Variants in ZSWIM2 observed in about 807,000 individuals in gnomAD.
ZSWIM2 encodes the protein zinc finger SWIM-type containing 2, also known as E3 ubiquitin-protein ligase ZSWIM2.
A neutral mutation model predicts 48.4 loss-of-function variants in ZSWIM2; 38 were observed. That is an observed-to-expected ratio of 0.79 (90% CI 0.61 to 1.03). The LOEUF (loss-of-function observed/expected upper bound fraction) is 1.03, where lower values mean the gene tolerates loss of function less well. ZSWIM2 is among the 50% of genes least tolerant of loss of function. The pLI is 0.00. For synonymous variants in ZSWIM2, 240 were observed against 251.3 expected, an observed-to-expected ratio of 0.96 and a Z score of 0.42; for missense variants, 776 against 730.2, an observed-to-expected ratio of 1.06 and a Z score of -0.72.
chr2:186,834,420 C>T (rs1691758140), intron 5 of ZSWIM2, among the ~76,000 whole-genome samples: 2 of 152,216 alleles, frequency 1.3e-5, no homozygotes, highest in Middle Eastern at 6.8e-3. Flanking sequence ...CCGGGACATA[C>T]AGCAGGAGGT....
At chr2:186,831,773 G>C (rs1349647771) in intron 7 of ZSWIM2, among the ~76,000 whole-genome samples, 2 of 151,868 alleles carry the variant, frequency 1.3e-5, no homozygotes, top group Admixed American at 1.3e-4. Context: ...ACTATCGCAA[G>C]GACAAAAAAC....
chr2:186,847,718 C>T lies in ZSWIM2; in HGVS notation c.242+1G>A. ...AGATCTTCATTTGAAAAGTCACTTA[C>T]CAGCAGATATGCTTACAAAGTTCCC... On this transcript the variant is annotated splice_donor_variant, in intron 2 of 8. Transcript: ENST00000295131. LOFTEE classifies it high-confidence loss of function. The T allele has an allele frequency of 3.8e-6, 6 of 1,598,956 alleles. No individual in the cohort carries two copies. The highest frequency in any genetic ancestry group is 1.7e-4 in the Middle Eastern group (1 of 6,002).
intron 5 of ZSWIM2, among the ~76,000 whole-genome samples, chr2:186,835,168 T>C (rs1355074405): frequency 6.6e-6 from 1 of 152,078 alleles, no homozygotes; most frequent in Non-Finnish European, 1.5e-5. Flanking sequence ...AATTATATTA[T>C]TTTTTCCCCA....
At chr2:186,833,904 A>G (rs1691746486) in intron 6 of ZSWIM2, 42 bp downstream of exon 6, 2 of 1,487,218 alleles carry the variant, frequency 1.3e-6, no homozygotes, top group African/African-American at 1.4e-5. Context: ...CTACAACAGG[A>G]CAAATAGAAA....
rs1691623494 is a variant in ZSWIM2 at position 186,827,854 on chromosome 2, T to G, written c.*130A>C. ...ATTTCCTTTAAGTGTAGTGAGCTGT[T>G]TATAGGTAAGTAGGCAAATTCCAAC... On this transcript the variant is annotated 3_prime_UTR_variant, in exon 9 of 9. Coordinates refer to ENST00000295131, the MANE Select transcript of ZSWIM2 (RefSeq NM_182521.3). The G allele has an allele frequency of 7.1e-6, 5 of 705,374 alleles. No individual in the cohort carries two copies. Among genetic ancestry groups the G allele is most frequent in the African/African-American group, 1.8e-5 (1 of 55,708 alleles). 43.7% of individuals were successfully genotyped at this position (705,374 alleles called of 1,614,324 possible). A position where few individuals can be genotyped will look rare whatever the true frequency, so the allele number is the denominator to read the frequency against.
chr2:186,833,846 C>G (rs1286188732), intron 6 of ZSWIM2, 100 bp downstream of exon 6: 3 of 943,224 alleles, frequency 3.2e-6, no homozygotes, highest in East Asian at 5.0e-5. Context: ...CCAATCAGCT[C>G]TGTTCCACAG....
Position 186,844,721 on chromosome 2 carries a change from A to C in ZSWIM2, c.279T>G (p.His93Gln). 6.4e-7 allele frequency: 1 copy of C among 1,558,328 alleles called. No homozygotes were observed. Among genetic ancestry groups the C allele is most frequent in the Non-Finnish European group, 8.6e-7 (1 of 1,158,758 alleles). ...LLKKFKLPRNHESALQLGLGE... is the reference protein window; with the variant it reads ...LLKKFKLPRNQESALQLGLGE... ...AACCCAAACCCCAAAACTTACATTC[A>C]TGGTTCCTTGGAAGCTTGAATTTTT... The change falls in exon 3 of 9, where the codon CAT becomes CAG. Residue 93 changes from histidine to glutamine, a missense_variant. His to Gln is a conservative substitution (Grantham distance 24). Coordinates refer to ENST00000295131, the MANE Select transcript of ZSWIM2 (RefSeq NM_182521.3).
In ZSWIM2 at chr2:186,847,714, C is replaced by G; in HGVS notation, c.242+5G>C. The G allele has an allele frequency of 1.3e-6, 2 of 1,595,784 alleles. No individual in the cohort carries two copies. Among genetic ancestry groups the G allele is most frequent in the Non-Finnish European group, 1.7e-6 (2 of 1,169,922 alleles). On this transcript the variant is annotated splice_donor_5th_base_variant and intron_variant, in intron 2 of 8. Transcript: ENST00000295131. ...TGGAAGATCTTCATTTGAAAAGTCA[C>G]TTACCAGCAGATATGCTTACAAAGT...
rs1559110904 is a variant in ZSWIM2 at position 186,828,718 on chromosome 2, ATATAACTTGTCCATC to A, written c.1153_1167del (p.Asp385_Ile389del). 2 of 1,611,266 alleles carry A rather than the reference ATATAACTTGTCCATC, an allele frequency of 1.2e-6. No individual in the cohort carries two copies. The highest frequency in any genetic ancestry group is 3.4e-5 in the Admixed American group (2 of 59,536). On this transcript the variant is annotated inframe_deletion, in exon 9 of 9. Coordinates refer to ENST00000295131, the MANE Select transcript of ZSWIM2 (RefSeq NM_182521.3). ...GAATTTTTCCAAGTTAAAGGGTTAT[ATATAACTTGTCCATC>A]AATAGGGCATGAATTGCACTTGTGG...
rs757954654 is a variant in ZSWIM2, at chr2:186,828,580, T to C, written c.1306A>G (p.Asn436Asp). ...IPGTGLVLKQNRLGILPSIPQ... is the reference protein window; with the variant it reads ...IPGTGLVLKQDRLGILPSIPQ... ...ATGCTAGGTAAAATTCCAAGTCTAT[T>C]TTGTTTTAAGACTAATCCAGTACCA... Residue 436 changes from asparagine (N) to aspartate (D), a missense_variant, in exon 9 of 9, where the codon AAT (asparagine) becomes GAT (aspartate). Coordinates refer to ENST00000295131, the MANE Select transcript of ZSWIM2 (RefSeq NM_182521.3). 3.1e-6 allele frequency: 5 copies of C among 1,613,016 alleles called. No individual in the cohort carries two copies. The South Asian group carries it at 4.4e-5, about 14-fold the overall frequency.
chr2:186,827,876 C>A lies in ZSWIM2; in HGVS notation c.*108G>T. On this transcript the variant is annotated 3_prime_UTR_variant, in exon 9 of 9. Transcript: ENST00000295131. ...TGTTTATAGGTAAGTAGGCAAATTCCAACAGAGAATTTTATATACATTTGT... is the reference window on the plus strand; with the variant it reads ...TGTTTATAGGTAAGTAGGCAAATTCAAACAGAGAATTTTATATACATTTGT... The A allele has an allele frequency of 1.0e-6, 1 of 986,064 alleles. No individual in the cohort carries two copies. The highest frequency in any genetic ancestry group is 1.4e-6 in the Non-Finnish European group (1 of 703,446). The allele number at this position is 986,064 out of a possible 1,614,324, so 61.1% of individuals were successfully genotyped here. A position where few individuals can be genotyped will look rare whatever the true frequency, so the allele number is the denominator to read the frequency against.
At chr2:186,847,670 A>ACAC (rs746619838) in intron 2 of ZSWIM2, 49 bp downstream of exon 2, 32 of 1,372,430 alleles carry the variant, frequency 2.3e-5, no homozygotes, top group Non-Finnish European at 3.1e-5. Flanking sequence ...AATATTTAAC[A>ACAC]CACCAAGATG....
At chr2:186,848,541 A>G (rs1692045172) in intron 1 of ZSWIM2, among the ~76,000 whole-genome samples, 1 of 152,228 alleles carries the variant, frequency 6.6e-6, no homozygotes, top group Non-Finnish European at 1.5e-5. Context: ...GTGAGCAAAG[A>G]GTAAAGGGAA....
At chr2:186,832,993 C>T (rs1691730094) in intron 7 of ZSWIM2, 127 bp downstream of exon 7, 1 of 409,996 alleles carries the variant, frequency 2.4e-6, no homozygotes, top group Non-Finnish European at 4.3e-6. Context: ...GGTACAATGC[C>T]ACCTAGTATC....
chr2:186,842,451 G>T (rs1424630446), intron 3 of ZSWIM2, among the ~76,000 whole-genome samples: 1 of 151,086 alleles, frequency 6.6e-6, no homozygotes, highest in Non-Finnish European at 1.5e-5. Context: ...AATTATAAAG[G>T]ATTAATTTTA....
intron 2 of ZSWIM2, among the ~76,000 whole-genome samples, chr2:186,846,591 A>C (rs1692006378): frequency 6.6e-6 from 1 of 151,854 alleles, no homozygotes; most frequent in South Asian, 2.1e-4. Flanking sequence ...CAAAAAACTA[A>C]AAATAGAACT....
chr2:186,837,624 ATATAT>A lies in ZSWIM2; in HGVS notation c.495-75_495-71del. 1.2e-5 allele frequency: 5 copies of A among 407,024 alleles called. 1 individual carries two copies. The highest frequency in any genetic ancestry group is 6.7e-5 in the African/African-American group (3 of 44,956). 25.2% of individuals were successfully genotyped at this position (407,024 alleles called of 1,614,324 possible). A position where few individuals can be genotyped will look rare whatever the true frequency, so the allele number is the denominator to read the frequency against. ...TTACATATCCATTGTATATATATATATATATTATATATATATTTATATAAATAAAA... is the reference window on the plus strand; with the variant it reads ...TTACATATCCATTGTATATATATATATATATATATATTTATATAAATAAAA... On this transcript the variant is annotated intron_variant, in intron 4 of 8. Coordinates refer to ENST00000295131, the MANE Select transcript of ZSWIM2 (RefSeq NM_182521.3).
Position 186,838,959 on chromosome 2 carries a change from C to T in ZSWIM2, c.494G>A (p.Arg165Lys), listed in dbSNP as rs780243395. 2 of 1,603,532 alleles carry T rather than the reference C, an allele frequency of 1.2e-6. No individual in the cohort carries two copies. The highest frequency in any genetic ancestry group is 1.7e-5 in the Admixed American group (1 of 58,998). ...LEKKLPVTFC[R>K]FGCGNSIHIK... ...AGAATCTAAAGAAAAAGTACATCAC[C>T]TGCAAAAGGTGACAGGAAGCTTTTT... The change falls in exon 4 of 9, where the codon AGG (arginine) becomes AAG (lysine). Residue 165 changes from arginine (R) to lysine (K), a missense_variant and splice_region_variant. Physicochemically the swap from Arg to Lys is conservative, Grantham distance 26. Transcript: ENST00000295131.
At chr2:186,843,864 C>A (rs1011996887) in intron 3 of ZSWIM2, among the ~76,000 whole-genome samples, 3 of 151,520 alleles carry the variant, frequency 2.0e-5, no homozygotes, top group Non-Finnish European at 4.4e-5. Flanking sequence ...CTGTGAAACA[C>A]TAATGGTAAT....
Sources: allele counts gnomAD v4.1 joint callset (sites outside exome capture counted in the v4.1 genomes callset), GRCh38; gene constraint gnomAD v4.1.1; transcripts MANE v1.5; gene names NCBI Gene and HGNC (gene_info 2026-07-23, HGNC 2026-07-21).